ANKRD6: variants seen among roughly 807,000 people sequenced by gnomAD.
ANKRD6 encodes the protein ankyrin repeat domain-containing protein 6.
A neutral mutation model predicts 82.3 loss-of-function variants in ANKRD6; 56 were observed. The ratio of observed to expected loss-of-function variants is 0.68; its 90% confidence interval spans 0.55 to 0.85. The LOEUF (loss-of-function observed/expected upper bound fraction) is 0.85, where lower values mean the gene tolerates loss of function less well. ANKRD6 is among the 40% of genes least tolerant of loss of function. The pLI is 0.00. For missense variants in ANKRD6, 852 were observed against 907.6 expected, an observed-to-expected ratio of 0.94 and a Z score of 0.79; for synonymous variants, 347 against 352.1, an observed-to-expected ratio of 0.99 and a Z score of 0.16.
intron 1 of ANKRD6, among the ~76,000 whole-genome samples, chr6:89,498,853 T>A (rs573850725): frequency 1.3e-5 from 2 of 152,202 alleles, no homozygotes; most frequent in Non-Finnish European, 2.9e-5. Context: ...TTATTGAGTA[T>A]GAGATATGTG....
intron 10 of ANKRD6, among the ~76,000 whole-genome samples, chr6:89,622,398 C>T (rs1009443768): frequency 2.4e-4 from 37 of 152,122 alleles, no homozygotes; most frequent in African/African-American, 8.7e-4. Context: ...TCACCTGGGA[C>T]CTTATTAGAA....
chr6:89,564,499 C>T (rs1788051268), intron 1 of ANKRD6, among the ~76,000 whole-genome samples: 1 of 152,136 alleles, frequency 6.6e-6, no homozygotes, highest in Non-Finnish European at 1.5e-5. Context: ...CATAAGTGTA[C>T]TTCAGTCTCA....
In ANKRD6 at chr6:89,450,884, G is replaced by A. The variant is rs143826738; in HGVS notation, c.-144+17509G>A. Among the ~76,000 whole-genome samples the A allele has an allele frequency of 9.4e-3, 1,431 of 152,266 alleles. 15 individuals carry two copies. Among genetic ancestry groups the A allele is most frequent in the Non-Finnish European group, 0.013 (904 of 68,024 alleles). On this transcript the variant is annotated intron_variant, in intron 1 of 15. Transcript: ENST00000339746. ...TGTAGTAAATAGACTACGATATAGT[G>A]TAAACATAATTTTTATATGTACTAG...
At chr6:89,450,997 T>G (rs1206151880) in intron 1 of ANKRD6, among the ~76,000 whole-genome samples, 1 of 152,168 alleles carries the variant, frequency 6.6e-6, no homozygotes, top group African/African-American at 2.4e-5. Flanking sequence ...CTCCAAGGTA[T>G]GCCTCTATAA....
chr6:89,605,841 G>C (rs1013052228), intron 4 of ANKRD6, among the ~76,000 whole-genome samples, 166 bp from the exon 5 acceptor site: 2 of 152,148 alleles, frequency 1.3e-5, no homozygotes, highest in African/African-American at 4.8e-5. Context: ...GGATAATGGA[G>C]AAACTTACCA....
rs1379928637 is a variant in ANKRD6, at chr6:89,622,026, G to A, written c.897G>A (p.Lys299=). The A allele has an allele frequency of 6.2e-7, 1 of 1,611,656 alleles. No homozygotes were observed. Among genetic ancestry groups the A allele is most frequent in the Non-Finnish European group, 8.5e-7 (1 of 1,179,618 alleles). The change falls in exon 10 of 16, where the codon AAG becomes AAA. Residue 299 remains lysine (K), a splice_region_variant and synonymous_variant. Coordinates refer to ENST00000339746, the MANE Select transcript of ANKRD6 (RefSeq NM_001242809.2). Reference sequence around the variant, plus strand: ...CAAGAGATGAGGTGGCCCAAAGCAAGGTGGGGGGCAGTCCTCCCGCCGTCC... The same window carrying A: ...CAAGAGATGAGGTGGCCCAAAGCAAAGTGGGGGGCAGTCCTCCCGCCGTCC... ...SVPRDEVAQS[K]GSVSAGDTPS... is the part of the protein sequence containing the mutation.
intron 1 of ANKRD6, among the ~76,000 whole-genome samples, chr6:89,496,407 A>C (rs994653166): frequency 6.6e-6 from 1 of 152,306 alleles, no homozygotes; most frequent in Non-Finnish European, 1.5e-5. Flanking sequence ...GTGTAAACAC[A>C]GAGATGTGGG....
At chr6:89,488,846 T>G (rs1445193480) in intron 1 of ANKRD6, among the ~76,000 whole-genome samples, 2 of 151,112 alleles carry the variant, frequency 1.3e-5, no homozygotes, top group Non-Finnish European at 3.0e-5. Flanking sequence ...AAACAAATGT[T>G]TCCCACCCAA....
At chr6:89,620,991 C>T (rs1469557164) in intron 9 of ANKRD6, among the ~76,000 whole-genome samples, 1 of 152,124 alleles carries the variant, frequency 6.6e-6, no homozygotes, top group African/African-American at 2.4e-5. Flanking sequence ...ATGGCGTGAA[C>T]CCGGGAGGCG....
chr6:89,562,866 AC>A, intron 1 of ANKRD6: 1 of 152,328 alleles, frequency 6.6e-6, no homozygotes, highest in East Asian at 1.9e-4. Flanking sequence ...GAAACTGAAC[AC>A]GATGTAGAAC....
chr6:89,582,049 A>G (rs192105821), intron 2 of ANKRD6, among the ~76,000 whole-genome samples: 1 of 152,350 alleles, frequency 6.6e-6, no homozygotes, highest in East Asian at 1.9e-4. Flanking sequence ...GTAGTTTATC[A>G]TCAAAAATCT....
In ANKRD6 at chr6:89,475,435, T is replaced by C. The variant is rs369357440; in HGVS notation, c.-144+42060T>C. 4.5e-4 allele frequency among the ~76,000 whole-genome samples: 68 copies of C among 152,360 alleles called. No individual in the cohort carries two copies. The South Asian group carries it at 0.011, about 26-fold the overall frequency. On this transcript the variant is annotated intron_variant, in intron 1 of 15. Transcript: ENST00000339746. ...ACAATCTAAAACCTGCTTATTTCAA[T>C]TGATTCTGTTTGTTAGCATATCTGT...
intron 5 of ANKRD6, among the ~76,000 whole-genome samples, chr6:89,611,361 A>G (rs938339411): frequency 3.9e-5 from 6 of 152,184 alleles, no homozygotes; most frequent in Non-Finnish European, 7.3e-5. Context: ...AGCAGAACCA[A>G]CGCGGAGCTT....
rs570905197 is a variant in ANKRD6, at chr6:89,585,527, C to CA, written c.121-10383dup. Among the ~76,000 whole-genome samples, 12 of 152,194 alleles carry CA rather than the reference C, an allele frequency of 7.9e-5. No homozygotes were observed. In the East Asian group the frequency reaches 2.3e-3, roughly 29 times the overall value. On this transcript the variant is annotated intron_variant, in intron 2 of 15. Coordinates refer to ENST00000339746, the MANE Select transcript of ANKRD6 (RefSeq NM_001242809.2). ...TATTTGACCACAAATTTATAAATCACAAAAAATGGGCCCAAGAATAAGCAG... is the reference window on the plus strand; with the variant it reads ...TATTTGACCACAAATTTATAAATCACAAAAAAATGGGCCCAAGAATAAGCAG...
chr6:89,616,856 C>T, intron 8 of ANKRD6, 199 bp downstream of exon 8: 2 of 686,278 alleles, frequency 2.9e-6, no homozygotes, highest in Admixed American at 4.1e-5. Flanking sequence ...GTTGACAAGC[C>T]TTGGGGCCTG....
At position 89,616,619 on chromosome 6, in the gene ANKRD6, T is replaced by C. The variant is rs1184854550; in HGVS notation, c.676T>C (p.Leu226=). 2 of 1,614,038 alleles carry C rather than the reference T, an allele frequency of 1.2e-6. No individual in the cohort carries two copies. Among genetic ancestry groups the C allele is most frequent in the East Asian group, 2.2e-5 (1 of 44,880 alleles). ...ALNHKKVAKI[L]LEAGADTTIV... is the part of the protein sequence containing the mutation. ...AAATCACAAGAAGGTGGCCAAAATC[T>C]TACTGGAAGCCGGAGCAGATACGAC... Residue 226 remains leucine (L), a synonymous_variant, in exon 8 of 16, where the codon TTA becomes CTA. Transcript: ENST00000339746.
In ANKRD6 at chr6:89,606,087, C is replaced by T. The variant is rs776826469; in HGVS notation, c.399C>T (p.Asn133=). 10 of 1,574,966 alleles carry T rather than the reference C, an allele frequency of 6.3e-6. No individual in the cohort carries two copies. In the East Asian group the frequency reaches 1.4e-4, roughly 22 times the overall value. The change falls in exon 5 of 16, where the codon AAC becomes AAT. Residue 133 remains asparagine, a synonymous_variant. Coordinates refer to ENST00000339746, the MANE Select transcript of ANKRD6 (RefSeq NM_001242809.2). The stretch of plus-strand genomic sequence containing the variant: ...AGCTGCTCATTAAAGCAGGAGCCAA[C>T]GTGCTTGCCAAGAACAAGGTGAGGC... ...SAKLLIKAGA[N]VLAKNKAGNT...
intron 1 of ANKRD6, among the ~76,000 whole-genome samples, chr6:89,553,707 C>A (rs898868722): frequency 6.6e-6 from 1 of 152,138 alleles, no homozygotes; most frequent in Non-Finnish European, 1.5e-5. Flanking sequence ...GCTGGAGAGA[C>A]CCCAGCCAGC....
chr6:89,481,750 C>G (rs965469848), intron 1 of ANKRD6, among the ~76,000 whole-genome samples: 1 of 151,962 alleles, frequency 6.6e-6, no homozygotes, highest in Non-Finnish European at 1.5e-5. Flanking sequence ...GCTGCTGCTG[C>G]TGGTGGTGGT....
Sources: gnomAD v4.1 joint callset for allele counts (sites outside exome capture counted in the v4.1 genomes callset) on GRCh38, gnomAD v4.1.1 for gene constraint, MANE v1.5 for transcripts, NCBI Gene and HGNC (gene_info 2026-07-23, HGNC 2026-07-21) for gene names.